The following STK32B variants were observed in gnomAD, a reference collection of about 807,000 sequenced individuals.
The protein encoded by STK32B is serine/threonine-protein kinase 32B.
STK32B carries 43 observed loss-of-function variants against 52.6 expected under a neutral mutation model. That is an observed-to-expected ratio of 0.82 (90% confidence interval 0.64 to 1.05). The LOEUF is 1.05. Among genes scored for constraint, STK32B ranks in the 50% least tolerant of loss-of-function variants. STK32B has a pLI of 0.00. For missense variants in STK32B, 621 were observed against 534.6 expected (o/e 1.16, Z -1.59); for synonymous variants, 238 against 204.3 (o/e 1.17, Z -1.41).
At chr4:5,480,262 C>G (rs868539928) in intron 11 of STK32B, among the ~76,000 whole-genome samples, 1 of 152,176 alleles carries the variant, frequency 6.6e-6, no homozygotes, top group Admixed American at 6.5e-5. Context: ...GAGGTTTATT[C>G]TGAGCCAAAT....
At chr4:5,346,219 G>A (rs187428361) in intron 4 of STK32B, among the ~76,000 whole-genome samples, 109 of 152,344 alleles carry the variant, frequency 7.2e-4, no homozygotes, top group African/African-American at 2.6e-3. Context: ...TGTTCAAGCT[G>A]TGGGGACAAG....
the STK32B span, among the ~76,000 whole-genome samples, chr4:5,035,691 C>T: frequency 1.3e-5 from 2 of 151,866 alleles, no homozygotes; most frequent in African/African-American, 2.4e-5. Flanking sequence ...GCATACTCAA[C>T]GAGCTGAAGG....
chr4:5,168,877 G>A lies in STK32B; in HGVS notation c.260+427G>A, dbSNP rs115283031. Among the ~76,000 whole-genome samples, 933 of 152,170 alleles carry A rather than the reference G, an allele frequency of 6.1e-3. 7 individuals carry two copies. The highest frequency in any genetic ancestry group is 0.021 in the African/African-American group (862 of 41,500). ...TGCCCATCACGGACGTACCAAATTC[G>A]GAATTCTCTATCCTGCCCCCAAAAC... On this transcript the variant is annotated intron_variant, in intron 3 of 11. Transcript: ENST00000282908.
Position 5,212,941 on chromosome 4 carries a change from G to A in STK32B, c.260+44491G>A, listed in dbSNP as rs577405941. The stretch of plus-strand genomic sequence containing the variant: ...TTAAAATCAAGTGTCTGCTCTCTGC[G>A]CTTTCTGGTTCTGTCTCTACAGAAT... On this transcript the variant is annotated intron_variant, in intron 3 of 11. Coordinates refer to ENST00000282908, the MANE Select transcript of STK32B (RefSeq NM_018401.3). Among the ~76,000 whole-genome samples, 27 of 152,150 alleles carry A rather than the reference G, an allele frequency of 1.8e-4. 1 individual carries two copies. In the East Asian group the frequency reaches 2.3e-3, roughly 13 times the overall value.
chr4:5,425,986 G>A (rs551059384), intron 6 of STK32B, among the ~76,000 whole-genome samples: 1 of 152,272 alleles, frequency 6.6e-6, no homozygotes, highest in Admixed American at 6.5e-5. Flanking sequence ...ACATACACGT[G>A]TTTATCTGTT....
chr4:5,278,892 C>A (rs1048249906), intron 3 of STK32B, among the ~76,000 whole-genome samples: 1 of 152,052 alleles, frequency 6.6e-6, no homozygotes, highest in Non-Finnish European at 1.5e-5. Flanking sequence ...TTTAAACAAC[C>A]ATATCTCATG....
intron 3 of STK32B, among the ~76,000 whole-genome samples, chr4:5,295,550 T>C (rs890469125): frequency 6.6e-6 from 1 of 152,184 alleles, no homozygotes; most frequent in Non-Finnish European, 1.5e-5. Context: ...GATTTTCTAG[T>C]TTATTTGCAT....
intron 3 of STK32B, among the ~76,000 whole-genome samples, chr4:5,213,373 A>C (rs1723012067): frequency 6.6e-6 from 1 of 152,212 alleles, no homozygotes; most frequent in South Asian, 2.1e-4. Flanking sequence ...AACAAGCTTA[A>C]GTCAGGCCAT....
At chr4:5,290,162 A>G (rs1728801672) in intron 3 of STK32B, among the ~76,000 whole-genome samples, 1 of 152,260 alleles carries the variant, frequency 6.6e-6, no homozygotes, top group Admixed American at 6.5e-5. Context: ...GAGCACAGCC[A>G]CGGACGCCCA....
At chr4:5,362,588 G>C (rs963562459) in intron 4 of STK32B, among the ~76,000 whole-genome samples, 2 of 152,210 alleles carry the variant, frequency 1.3e-5, no homozygotes, top group South Asian at 4.1e-4. Context: ...ATTAGCAGCA[G>C]CCAGGTCCCT....
At chr4:5,218,198 G>C (rs2108793392) in intron 3 of STK32B, among the ~76,000 whole-genome samples, 1 of 152,264 alleles carries the variant, frequency 6.6e-6, no homozygotes, top group East Asian at 1.9e-4. Context: ...GACTCAAAGG[G>C]ATAGTAAATT....
intron 4 of STK32B, among the ~76,000 whole-genome samples, chr4:5,342,301 A>T (rs1317823934): frequency 6.6e-6 from 1 of 152,194 alleles, no homozygotes; most frequent in Admixed American, 6.5e-5. Context: ...GAACCAACCC[A>T]AATATCCATC....
intron 3 of STK32B, among the ~76,000 whole-genome samples, chr4:5,310,441 C>T (rs896872236): frequency 2.0e-5 from 3 of 152,054 alleles, no homozygotes; most frequent in Admixed American, 2.0e-4. Flanking sequence ...AAAAAATGTT[C>T]ATCATCACTA....
intron 3 of STK32B, among the ~76,000 whole-genome samples, chr4:5,206,415 C>T (rs538267883): frequency 6.6e-5 from 10 of 152,230 alleles, no homozygotes; most frequent in South Asian, 2.1e-4. Flanking sequence ...CCATACCCCT[C>T]GGAAACAATA....
intron 3 of STK32B, among the ~76,000 whole-genome samples, chr4:5,261,824 G>A (rs553532761): frequency 3.2e-4 from 49 of 152,168 alleles, no homozygotes; most frequent in African/African-American, 1.2e-3. Flanking sequence ...CAAGGCCCCG[G>A]TACCAGATCT....
At position 5,378,427 on chromosome 4, in the gene STK32B, T is replaced by G. The variant is rs1195439443; in HGVS notation, c.435-19780T>G. Among the ~76,000 whole-genome samples, 1 of 152,226 alleles carries G rather than the reference T, an allele frequency of 6.6e-6. No individual in the cohort carries two copies. Among genetic ancestry groups the G allele is most frequent in the African/African-American group, 2.4e-5 (1 of 41,446 alleles). On this transcript the variant is annotated intron_variant, in intron 4 of 11. Coordinates refer to ENST00000282908, the MANE Select transcript of STK32B (RefSeq NM_018401.3). The surrounding 1 kb of genome is among the most constrained non-coding windows in gnomAD (Gnocchi z 4.4). ...CTGGACTTTGCATTTTATTTTATTTTTTTCCTTTATGACGTGAGTTAAATC... is the reference window on the plus strand; with the variant it reads ...CTGGACTTTGCATTTTATTTTATTTGTTTCCTTTATGACGTGAGTTAAATC...
chr4:5,265,882 T>C (rs1727024438), intron 3 of STK32B, among the ~76,000 whole-genome samples: 2 of 152,342 alleles, frequency 1.3e-5, no homozygotes, highest in South Asian at 4.1e-4. Context: ...TTCCATAATT[T>C]GGATGTACTA....
At chr4:5,289,807 T>TGCTGGGATTACAAGC (rs1397799105) in intron 3 of STK32B, among the ~76,000 whole-genome samples, 390 of 149,686 alleles carry the variant, frequency 2.6e-3, no homozygotes, top group African/African-American at 9.3e-3. Flanking sequence ...CCCCCCAAAG[T>TGCTGGGATTACAAGC]GCTGGGATTA....
chr4:5,278,077 C>T lies in STK32B; in HGVS notation c.261-53143C>T, dbSNP rs536535412. On this transcript the variant is annotated intron_variant, in intron 3 of 11. Transcript: ENST00000282908. ...TACTTATCATTGGCAGATGAGGTGA[C>T]TCAGGTGACTAATGACAGGCCCCAG... Among the ~76,000 whole-genome samples the T allele has an allele frequency of 2.6e-5, 4 of 152,282 alleles. No homozygotes were observed. The East Asian group carries it at 7.7e-4, about 29-fold the overall frequency.
Sources: allele counts gnomAD v4.1 joint callset (sites outside exome capture counted in the v4.1 genomes callset), GRCh38; gene constraint gnomAD v4.1.1; non-coding constraint Gnocchi (gnomAD v3.1); transcripts MANE v1.5; gene names NCBI Gene and HGNC (gene_info 2026-07-23, HGNC 2026-07-21).